The following CHODL variants were observed in gnomAD, a reference collection of about 807,000 sequenced individuals.
The protein encoded by CHODL is transmembrane protein MT75.
In CHODL, 29 loss-of-function variants were observed where a neutral mutation model predicts 34.5. The ratio of observed to expected loss-of-function variants is 0.84; its 90% CI spans 0.63 to 1.15. The LOEUF is 1.15. Among genes scored for constraint, CHODL ranks in the 50% most tolerant of loss-of-function variants. CHODL has a pLI of 0.00. For synonymous variants in CHODL, 125 were observed against 116.1 expected (o/e 1.08, Z -0.49); for missense variants, 332 against 332.5 (o/e 1.00, Z 0.01).
rs79246552 is a variant in CHODL at position 18,113,798 on chromosome 21, T to G, written c.-45+85827T>G. The stretch of plus-strand genomic sequence containing the variant: ...AGCAATTCCACTGCAGAGTATATAC[T>G]CATAAGAAAGGAAAGCAGTATATTG... On this transcript the variant is annotated intron_variant, in intron 2 of 6. Transcript: ENST00000400127. Among the ~76,000 whole-genome samples the G allele has an allele frequency of 2.8e-3, 433 of 152,252 alleles. 17 individuals carry two copies. In the East Asian group the frequency reaches 0.066, roughly 23 times the overall value.
At chr21:18,232,750 G>A (rs1482407961) in intron 2 of CHODL, among the ~76,000 whole-genome samples, 2 of 151,746 alleles carry the variant, frequency 1.3e-5, no homozygotes, top group Non-Finnish European at 2.9e-5. Context: ...AGAATTAGGT[G>A]TCTGAAGGAG....
At chr21:18,161,192 T>C (rs1182491677) in intron 2 of CHODL, among the ~76,000 whole-genome samples, 1 of 152,156 alleles carries the variant, frequency 6.6e-6, no homozygotes, top group Non-Finnish European at 1.5e-5. Context: ...ATTTTTTTGG[T>C]AAATTTGTTT....
chr21:18,078,481 C>G (rs577244237), intron 2 of CHODL, among the ~76,000 whole-genome samples: 1 of 152,298 alleles, frequency 6.6e-6, no homozygotes, highest in South Asian at 2.1e-4. Flanking sequence ...AGTGGGGACA[C>G]AGCTAAACCA....
intron 1 of CHODL, among the ~76,000 whole-genome samples, chr21:17,981,590 A>G (rs111619805): frequency 2.6e-5 from 4 of 152,204 alleles, no homozygotes; most frequent in African/African-American, 9.7e-5. Flanking sequence ...ATGTCCAGGG[A>G]AAAAGAAGGA....
At chr21:17,952,054 G>A (rs1383709965) in intron 1 of CHODL, among the ~76,000 whole-genome samples, 3 of 151,794 alleles carry the variant, frequency 2.0e-5, no homozygotes, top group Non-Finnish European at 4.4e-5. Context: ...GGCAACATAG[G>A]GAGACCCCAT....
At chr21:18,138,227 A>G (rs1036309890) in intron 2 of CHODL, among the ~76,000 whole-genome samples, 23 of 151,018 alleles carry the variant, frequency 1.5e-4, no homozygotes, top group African/African-American at 5.4e-4. Flanking sequence ...TGTTGATTCC[A>G]TTTATTTCAT....
At chr21:18,088,605 GCTAT>G (rs2065036183) in intron 2 of CHODL, among the ~76,000 whole-genome samples, 2 of 152,132 alleles carry the variant, frequency 1.3e-5, no homozygotes, top group Non-Finnish European at 2.9e-5. Context: ...ATCTCTCCTG[GCTAT>G]CTGTCAATTT....
chr21:17,931,334 A>G (rs1568803540), intron 1 of CHODL, among the ~76,000 whole-genome samples: 1 of 152,232 alleles, frequency 6.6e-6, no homozygotes, highest in Non-Finnish European at 1.5e-5. Context: ...GAAGTACACA[A>G]GGCTAAAGAA....
intron 2 of CHODL, among the ~76,000 whole-genome samples, chr21:18,216,114 CTTTCT>C (rs1032174677): frequency 3.3e-5 from 5 of 151,234 alleles, no homozygotes; most frequent in Admixed American, 6.6e-5. Flanking sequence ...TATTTCCTTC[CTTTCT>C]TTCTTGTTTT....
At chr21:18,212,854 G>T (rs746568875) in intron 2 of CHODL, among the ~76,000 whole-genome samples, 5 of 152,024 alleles carry the variant, frequency 3.3e-5, no homozygotes, top group Non-Finnish European at 4.4e-5. Flanking sequence ...AAATAATCCC[G>T]CAATGAGATG....
chr21:18,095,980 T>C (rs551055886), intron 2 of CHODL, among the ~76,000 whole-genome samples: 3 of 152,276 alleles, frequency 2.0e-5, no homozygotes, highest in Non-Finnish European at 2.9e-5. Flanking sequence ...TTTCGGGAAG[T>C]CAGGGACCCT....
At chr21:17,930,073 C>CTTTCATCTTA (rs2063259769) in intron 1 of CHODL, among the ~76,000 whole-genome samples, 1 of 152,046 alleles carries the variant, frequency 6.6e-6, no homozygotes, top group African/African-American at 2.4e-5. Context: ...GGGGATCCTG[C>CTTTCATCTTA]TGCTGTTGCT....
chr21:18,204,369 G>C (rs1264368981), intron 2 of CHODL, among the ~76,000 whole-genome samples: 1 of 152,026 alleles, frequency 6.6e-6, no homozygotes, highest in Non-Finnish European at 1.5e-5. Flanking sequence ...CATCTCTGCA[G>C]CTTACCAATT....
intron 2 of CHODL, among the ~76,000 whole-genome samples, chr21:18,191,345 T>TA (rs947860355): frequency 8.6e-5 from 13 of 151,936 alleles, no homozygotes; most frequent in South Asian, 4.2e-4. Context: ...CAGTTGAAGA[T>TA]AAAAAAAATG....
intron 2 of CHODL, among the ~76,000 whole-genome samples, chr21:18,225,131 G>A (rs950281729): frequency 6.6e-5 from 10 of 150,686 alleles, no homozygotes; most frequent in Non-Finnish European, 1.0e-4. Context: ...CTTCTAGATT[G>A]GAAAGTTTAA....
chr21:18,100,838 C>G (rs968594981), intron 2 of CHODL, among the ~76,000 whole-genome samples: 1 of 152,048 alleles, frequency 6.6e-6, no homozygotes, highest in Non-Finnish European at 1.5e-5. Context: ...TGAAAAAATA[C>G]TTTTGTGAAT....
At chr21:18,165,583 G>A (rs2073142140) in intron 2 of CHODL, among the ~76,000 whole-genome samples, 1 of 152,142 alleles carries the variant, frequency 6.6e-6, no homozygotes, top group African/African-American at 2.4e-5. Flanking sequence ...ACAATGGGCT[G>A]CTTTGCAACA....
At chr21:17,995,769 C>T (rs539051981) in intron 1 of CHODL, among the ~76,000 whole-genome samples, 1 of 152,326 alleles carries the variant, frequency 6.6e-6, no homozygotes, top group South Asian at 2.1e-4. Flanking sequence ...AACACTGGAT[C>T]AGTCAGAACT....
At chr21:17,995,345 G>T (rs1256222738) in intron 1 of CHODL, among the ~76,000 whole-genome samples, 1 of 152,182 alleles carries the variant, frequency 6.6e-6, no homozygotes, top group African/African-American at 2.4e-5. Flanking sequence ...ACAGGAGTCT[G>T]CCATGGGAAT....
Sources: gnomAD v4.1 joint callset for allele counts (sites outside exome capture counted in the v4.1 genomes callset) on GRCh38, gnomAD v4.1.1 for gene constraint, MANE v1.5 for transcripts, NCBI Gene and HGNC (gene_info 2026-07-23, HGNC 2026-07-21) for gene names.